Variants in ADAMTS12 observed in about 807,000 individuals in gnomAD.
ADAMTS12 encodes the protein ADAM metallopeptidase with thrombospondin type 1 motif 12.
ADAMTS12 carries 118 observed loss-of-function variants against 167.8 expected under a neutral mutation model. That is an observed-to-expected ratio of 0.70 (90% CI 0.61 to 0.82). The LOEUF is 0.82. Among genes scored for constraint, ADAMTS12 ranks in the 40% least tolerant of loss-of-function variants. The probability of loss-of-function intolerance (pLI) is 0.00; values close to 1 mark genes in which losing one functional copy is unlikely to be tolerated. For synonymous variants in ADAMTS12, 704 were observed against 716.9 expected (o/e 0.98, Z 0.29); for missense variants, 1,916 against 1,998.8 (o/e 0.96, Z 0.79).
intron 23 of ADAMTS12, among the ~76,000 whole-genome samples, chr5:33,531,010 T>G (rs1333563974): frequency 1.3e-5 from 2 of 152,098 alleles, no homozygotes; most frequent in African/African-American, 4.8e-5. Context: ...TCATCCAACC[T>G]GAGTGGTGTC....
intron 17 of ADAMTS12, among the ~76,000 whole-genome samples, chr5:33,595,200 A>G (rs1747861169): frequency 6.6e-6 from 1 of 151,522 alleles, no homozygotes; most frequent in Non-Finnish European, 1.5e-5. Context: ...CTGGCATAAT[A>G]ACATCCCAAC....
intron 18 of ADAMTS12, among the ~76,000 whole-genome samples, chr5:33,585,824 GA>G (rs1403908180): frequency 6.6e-6 from 1 of 152,156 alleles, no homozygotes; most frequent in African/African-American, 2.4e-5. Context: ...GGCAGCAGGG[GA>G]GAGAGCTCCC....
At chr5:33,541,783 T>C (rs1744707192) in intron 22 of ADAMTS12, among the ~76,000 whole-genome samples, 1 of 152,180 alleles carries the variant, frequency 6.6e-6, no homozygotes, top group Admixed American at 6.5e-5. Context: ...GACAAGCAAA[T>C]GCTGAGAGAT....
intron 2 of ADAMTS12, among the ~76,000 whole-genome samples, chr5:33,759,007 C>T (rs1295237142): frequency 6.6e-6 from 1 of 152,184 alleles, no homozygotes; most frequent in Admixed American, 6.5e-5. Flanking sequence ...CGAAGTAGAA[C>T]CAGTGGTGAC....
chr5:33,762,376 C>T (rs1182643034), intron 2 of ADAMTS12, among the ~76,000 whole-genome samples: 8 of 151,468 alleles, frequency 5.3e-5, no homozygotes, highest in South Asian at 2.1e-4. Flanking sequence ...GGCGTGGTGG[C>T]GGGCGCCTGC....
At position 33,711,761 on chromosome 5, in the gene ADAMTS12, C is replaced by G. The variant is rs1043943991; in HGVS notation, c.635-27706G>C. Among the ~76,000 whole-genome samples the G allele has an allele frequency of 2.0e-5, 3 of 152,084 alleles. No homozygotes were observed. In the South Asian group the frequency reaches 6.2e-4, roughly 32 times the overall value. On this transcript the variant is annotated intron_variant, in intron 3 of 23. Transcript: ENST00000504830. Reference sequence around the variant, plus strand: ...TTATTGTCTTTCAAACTCAAAGATACAATTACTACTTAAACACAGGGAATA... The same window carrying G: ...TTATTGTCTTTCAAACTCAAAGATAGAATTACTACTTAAACACAGGGAATA...
intron 2 of ADAMTS12, among the ~76,000 whole-genome samples, chr5:33,875,988 C>A (rs1750212028): frequency 6.6e-6 from 1 of 151,916 alleles, no homozygotes; most frequent in African/African-American, 2.4e-5. Context: ...AGTAAACATA[C>A]AAAAATTAAT....
intron 2 of ADAMTS12, among the ~76,000 whole-genome samples, chr5:33,838,631 G>A (rs765104470): frequency 2.7e-4 from 41 of 152,200 alleles, no homozygotes; most frequent in African/African-American, 9.2e-4. Flanking sequence ...GCAGTGAGCC[G>A]CGATCGTGCC....
chr5:33,810,963 T>C (rs1272333970), intron 2 of ADAMTS12, among the ~76,000 whole-genome samples: 1 of 152,226 alleles, frequency 6.6e-6, no homozygotes, highest in African/African-American at 2.4e-5. Flanking sequence ...CAGTGTATCA[T>C]CTGCCTTTTA....
At chr5:33,720,555 C>A (rs1399467397) in intron 3 of ADAMTS12, among the ~76,000 whole-genome samples, 4 of 152,088 alleles carry the variant, frequency 2.6e-5, no homozygotes, top group African/African-American at 9.7e-5. Flanking sequence ...ATAAATCTTG[C>A]CAGATGGAGA....
intron 2 of ADAMTS12, 53 bp downstream of exon 2, chr5:33,881,066 C>T: frequency 1.9e-6 from 3 of 1,580,650 alleles, no homozygotes; most frequent in Non-Finnish European, 2.6e-6. Context: ...GGTCTACCAG[C>T]TGAGACTCTA....
chr5:33,579,059 T>C (rs1010674819), intron 18 of ADAMTS12, among the ~76,000 whole-genome samples: 3 of 152,248 alleles, frequency 2.0e-5, no homozygotes, highest in African/African-American at 4.8e-5. Flanking sequence ...TCTTCTGGCA[T>C]GGTCCATGAC....
chr5:33,836,647 GAA>G (rs1748538819), intron 2 of ADAMTS12, among the ~76,000 whole-genome samples: 1 of 152,012 alleles, frequency 6.6e-6, no homozygotes, highest in African/African-American at 2.4e-5. Flanking sequence ...AAAAAGCCAA[GAA>G]AAAGAAAGTA....
In ADAMTS12 at chr5:33,613,420, T is replaced by C. The variant is rs548271587; in HGVS notation, c.2527+818A>G. Among the ~76,000 whole-genome samples, 70 of 152,276 alleles carry C rather than the reference T, an allele frequency of 4.6e-4. 1 individual carries two copies. The South Asian group carries it at 0.014, about 31-fold the overall frequency. On this transcript the variant is annotated intron_variant, in intron 16 of 23. Transcript: ENST00000504830. ...CAAATGTCCACGTACCCCTCCATAA[T>C]TGCCAGCCTCCCTTTGCAGTTAGAT...
chr5:33,805,849 T>C (rs548272937), intron 2 of ADAMTS12, among the ~76,000 whole-genome samples: 10 of 151,156 alleles, frequency 6.6e-5, no homozygotes, highest in Admixed American at 5.3e-4. Context: ...GATTGTGCCA[T>C]TGCACTCCAG....
At chr5:33,884,695 T>C (rs2111790638) in intron 1 of ADAMTS12, among the ~76,000 whole-genome samples, 1 of 152,284 alleles carries the variant, frequency 6.6e-6, no homozygotes, top group Middle Eastern at 3.4e-3. Context: ...AATCACACCA[T>C]CACCCTGCAA....
intron 4 of ADAMTS12, 71 bp downstream of exon 4, chr5:33,683,788 A>G (rs1742219028): frequency 8.0e-7 from 1 of 1,247,728 alleles, no homozygotes; most frequent in East Asian, 2.7e-5. Flanking sequence ...GGCCTTTCTT[A>G]TTTATTTATG....
chr5:33,686,946 G>T (rs1229654850), intron 3 of ADAMTS12, among the ~76,000 whole-genome samples: 1 of 150,636 alleles, frequency 6.6e-6, no homozygotes, highest in Non-Finnish European at 1.5e-5. Context: ...TAGAGAGAGA[G>T]AGAGAGAGAG....
Position 33,576,410 on chromosome 5 carries a change from T to C in ADAMTS12, c.3616A>G (p.Arg1206Gly). Residue 1206 changes from arginine (R) to glycine (G), a missense_variant, in exon 19 of 24, where the codon AGG (arginine) becomes GGG (glycine). Arg to Gly is a moderately radical substitution (Grantham distance 125, BLOSUM62 -2). Coordinates refer to ENST00000504830, the MANE Select transcript of ADAMTS12 (RefSeq NM_030955.4). ...LAPPLTPDLS[R>G]ESWWPPFSTV... ...CTGAAGGGTGGCCACCAGGACTCCCTGCTGAGATCTGGTGTTAGTGGAGGT... is the reference window on the plus strand; with the variant it reads ...CTGAAGGGTGGCCACCAGGACTCCCCGCTGAGATCTGGTGTTAGTGGAGGT... 6.2e-7 allele frequency: 1 copy of C among 1,613,826 alleles called. No individual in the cohort carries two copies. Among genetic ancestry groups the C allele is most frequent in the South Asian group, 1.1e-5 (1 of 91,048 alleles).
Sources: gnomAD v4.1 joint callset for allele counts (sites outside exome capture counted in the v4.1 genomes callset) on GRCh38, gnomAD v4.1.1 for gene constraint, MANE v1.5 for transcripts, NCBI Gene and HGNC (gene_info 2026-07-23, HGNC 2026-07-21) for gene names.